FGGY: variants seen among roughly 807,000 people sequenced by gnomAD.
FGGY encodes the protein FGGY carbohydrate kinase domain containing.
A neutral mutation model predicts 71.3 loss-of-function variants in FGGY; 72 were observed. The observed-to-expected ratio is 1.01, with a 90% CI of 0.84 to 1.23. The LOEUF is 1.23. FGGY is among the 50% of genes most tolerant of loss of function. The pLI, the probability that FGGY is intolerant of heterozygous loss-of-function variation, is 0.00. For synonymous variants in FGGY, 251 were observed against 250.3 expected (o/e 1.00, Z -0.02); for missense variants, 668 against 682.3 (o/e 0.98, Z 0.23).
chr1:59,340,940 G>T (rs752434999), intron 3 of FGGY, among the ~76,000 whole-genome samples: 3 of 152,184 alleles, frequency 2.0e-5, no homozygotes, highest in Non-Finnish European at 2.9e-5. Context: ...GAAGGGAAGG[G>T]CCAGCTCTAG....
At chr1:59,600,982 C>CTTTTTTTTTTT (rs377505663) in intron 8 of FGGY, among the ~76,000 whole-genome samples, 1 of 127,044 alleles carries the variant, frequency 7.9e-6, no homozygotes, top group African/African-American at 3.0e-5. Context: ...ATTCTCTATG[C>CTTTTTTTTTTT]TTTTTTTTTT....
chr1:59,553,845 G>C (rs2095645123), intron 7 of FGGY: 1 of 290,934 alleles, frequency 3.4e-6, no homozygotes, highest in Admixed American at 4.9e-5. Flanking sequence ...ATAACTGATA[G>C]CTGCTGCTTT....
intron 6 of FGGY, among the ~76,000 whole-genome samples, chr1:59,499,786 A>C (rs188653275): frequency 6.6e-6 from 1 of 152,324 alleles, no homozygotes; most frequent in Admixed American, 6.5e-5. Flanking sequence ...CCTTATGTGC[A>C]ACATTACCTG....
chr1:59,557,680 TCACCAAAA>T (rs936052719), intron 8 of FGGY, among the ~76,000 whole-genome samples: 1 of 152,186 alleles, frequency 6.6e-6, no homozygotes, highest in Non-Finnish European at 1.5e-5. Flanking sequence ...TACTACCAAG[TCACCAAAA>T]CCCCAGATAA....
chr1:59,517,403 C>T (rs1038259555), intron 7 of FGGY, among the ~76,000 whole-genome samples: 10 of 150,650 alleles, frequency 6.6e-5, no homozygotes, highest in Admixed American at 2.6e-4. Flanking sequence ...GTAGCTGGGA[C>T]TACAGGCGCC....
chr1:59,594,404 C>T (rs79930825), intron 8 of FGGY, among the ~76,000 whole-genome samples: 7,069 of 152,228 alleles, frequency 0.046, 303 homozygotes, highest in South Asian at 0.2. Context: ...CCCAAATATC[C>T]GGTAAGGTGA....
chr1:59,624,777 A>G (rs116539594), intron 9 of FGGY, among the ~76,000 whole-genome samples: 5,202 of 152,290 alleles, frequency 0.034, 168 homozygotes, highest in African/African-American at 0.088. Flanking sequence ...AACTGCGCCC[A>G]TGATTCAGTT....
At chr1:59,325,798 G>A (rs561004781) in intron 2 of FGGY, among the ~76,000 whole-genome samples, 58 of 152,300 alleles carry the variant, frequency 3.8e-4, no homozygotes, top group African/African-American at 1.3e-3. Context: ...TGAAATATGA[G>A]GAAATTGAGG....
intron 2 of FGGY, among the ~76,000 whole-genome samples, chr1:59,333,194 C>G (rs114053776): frequency 0.022 from 3,372 of 152,278 alleles, 140 homozygotes; most frequent in African/African-American, 0.077. Context: ...TCTATATTTT[C>G]TCACCCAAGT....
At chr1:59,568,748 A>C (rs2095925611) in intron 8 of FGGY, among the ~76,000 whole-genome samples, 1 of 152,110 alleles carries the variant, frequency 6.6e-6, no homozygotes, top group Non-Finnish European at 1.5e-5. Context: ...GCTGTGGTGC[A>C]CTGCTTCTCA....
chr1:59,528,577 C>T (rs2095056057), intron 7 of FGGY, among the ~76,000 whole-genome samples: 1 of 152,172 alleles, frequency 6.6e-6, no homozygotes, highest in East Asian at 1.9e-4. Flanking sequence ...TAAGCCTCTT[C>T]TATTTTGTTG....
chr1:59,588,289 C>T (rs1351978622), intron 8 of FGGY, among the ~76,000 whole-genome samples: 5 of 151,978 alleles, frequency 3.3e-5, no homozygotes, highest in Admixed American at 6.6e-5. Flanking sequence ...AAATATGGGA[C>T]TATGTGAAAA....
At chr1:59,574,665 TAAAA>T (rs1465453371) in intron 8 of FGGY, among the ~76,000 whole-genome samples, 1 of 152,210 alleles carries the variant, frequency 6.6e-6, no homozygotes, top group African/African-American at 2.4e-5. Context: ...GGAACAAAGA[TAAAA>T]GAAATCAAAT....
chr1:59,507,684 ATTTTTTTTT>A (rs561953004), intron 6 of FGGY, among the ~76,000 whole-genome samples: 8 of 106,908 alleles, frequency 7.5e-5, no homozygotes, highest in South Asian at 6.0e-4. Flanking sequence ...TGCTTGGCTA[ATTTTTTTTT>A]TTTTTTTTTT....
At chr1:59,663,951 T>G (rs1266075772) in intron 12 of FGGY, among the ~76,000 whole-genome samples, 1 of 152,170 alleles carries the variant, frequency 6.6e-6, no homozygotes, top group African/African-American at 2.4e-5. Context: ...GGGTGCTGTT[T>G]TGTAGGGGTG....
chr1:59,354,235 G>C (rs561586788), intron 4 of FGGY, among the ~76,000 whole-genome samples: 2 of 152,148 alleles, frequency 1.3e-5, no homozygotes, highest in Admixed American at 6.5e-5. Context: ...ACACCACCAT[G>C]CCCAGATAAT....
At chr1:59,697,677 G>A (rs1283777974) in intron 14 of FGGY, 80 of 1,303,484 alleles carry the variant, frequency 6.1e-5, no homozygotes, top group Non-Finnish European at 7.9e-5. Context: ...AGTTGTGGAC[G>A]ATAGCAGCAA....
At chr1:59,419,767 G>A (rs777731208) in intron 5 of FGGY, among the ~76,000 whole-genome samples, 14 of 152,124 alleles carry the variant, frequency 9.2e-5, no homozygotes, top group Non-Finnish European at 1.6e-4. Flanking sequence ...AGTGTCTGCC[G>A]TCAGTGAAGA....
intron 2 of FGGY, among the ~76,000 whole-genome samples, chr1:59,329,660 G>A (rs989521606): frequency 3.9e-5 from 6 of 152,118 alleles, no homozygotes; most frequent in Admixed American, 6.6e-5. Flanking sequence ...TCCCTTTAGC[G>A]TAAGAATTGT....
Sources: allele counts gnomAD v4.1 joint callset (sites outside exome capture counted in the v4.1 genomes callset), GRCh38; gene constraint gnomAD v4.1.1; transcripts MANE v1.5; gene names NCBI Gene and HGNC (gene_info 2026-07-23, HGNC 2026-07-21).